The following CNBD1 variants were observed in gnomAD, a reference collection of about 807,000 sequenced individuals.
The protein encoded by CNBD1 is cyclic nucleotide binding domain containing 1, also known as cyclic nucleotide-binding domain-containing protein 1.
In CNBD1, 71 loss-of-function variants were observed where a neutral mutation model predicts 54.4. The ratio of observed to expected loss-of-function variants is 1.30; its 90% confidence interval spans 1.08 to 1.59. CNBD1 has a LOEUF of 1.59. Ranked by LOEUF, CNBD1 falls within the 40% of genes most tolerant of loss-of-function variation. The pLI, the probability that CNBD1 is intolerant of heterozygous loss-of-function variation, is 0.00. For synonymous variants in CNBD1, 182 were observed against 170.7 expected (o/e 1.07, Z -0.51); for missense variants, 659 against 518.0 (o/e 1.27, Z -2.64).
Position 87,274,909 on chromosome 8 carries a change from G to C in CNBD1, c.772-9769G>C, listed in dbSNP as rs1337693026. On this transcript the variant is annotated intron_variant, in intron 6 of 10. Coordinates refer to ENST00000518476, the MANE Select transcript of CNBD1 (RefSeq NM_173538.3). ...TTCTAGGGTTTTTATGGTTTTAGGTGTAACGTTTAAGTCTTTAATCCATCT... is the reference window on the plus strand; with the variant it reads ...TTCTAGGGTTTTTATGGTTTTAGGTCTAACGTTTAAGTCTTTAATCCATCT... Among the ~76,000 whole-genome samples the C allele has an allele frequency of 3.0e-5, 4 of 134,086 alleles. 1 individual carries two copies. Among genetic ancestry groups the C allele is most frequent in the Admixed American group, 2.9e-4 (4 of 14,010 alleles). 88.0% of individuals were successfully genotyped at this position (134,086 alleles called of 152,430 possible).
intron 8 of CNBD1, among the ~76,000 whole-genome samples, chr8:87,340,842 T>C (rs1426784503): frequency 1.3e-5 from 2 of 152,106 alleles, no homozygotes; most frequent in African/African-American, 2.4e-5. Context: ...TTATGATTAT[T>C]TTGAATTTTT....
intron 8 of CNBD1, among the ~76,000 whole-genome samples, chr8:87,330,460 A>G: frequency 6.6e-6 from 1 of 151,966 alleles, no homozygotes; most frequent in Non-Finnish European, 1.5e-5. Flanking sequence ...ATTTTGCTGC[A>G]TCTTATACAT....
chr8:87,329,000 G>C (rs1327712353), intron 8 of CNBD1, among the ~76,000 whole-genome samples: 1 of 151,722 alleles, frequency 6.6e-6, no homozygotes, highest in African/African-American at 2.4e-5. Context: ...TATCTTCTAG[G>C]AGTTATTCCT....
chr8:86,933,856 A>G (rs933411419), intron 3 of CNBD1, among the ~76,000 whole-genome samples: 3 of 152,148 alleles, frequency 2.0e-5, no homozygotes, highest in Non-Finnish European at 4.4e-5. Flanking sequence ...TACTAGTTCT[A>G]TAGTGTAACA....
chr8:86,929,579 G>A lies in CNBD1; in HGVS notation c.273-10017G>A, dbSNP rs541541730. On this transcript the variant is annotated intron_variant, in intron 3 of 10. Coordinates refer to ENST00000518476, the MANE Select transcript of CNBD1 (RefSeq NM_173538.3). The stretch of plus-strand genomic sequence containing the variant: ...CATAAGTCTGGGCAACAGTTTGTTG[G>A]TAGTCATGCTCGATTGGTTCCCCAT... Among the ~76,000 whole-genome samples, 25 of 152,276 alleles carry A rather than the reference G, an allele frequency of 1.6e-4. No individual in the cohort carries two copies. In the South Asian group the frequency reaches 4.8e-3, roughly 29 times the overall value.
At chr8:87,039,707 T>G (rs188909555) in intron 4 of CNBD1, among the ~76,000 whole-genome samples, 1 of 152,326 alleles carries the variant, frequency 6.6e-6, no homozygotes, top group East Asian at 1.9e-4. Flanking sequence ...TTACTCAAAT[T>G]AGTCTCCTCG....
At chr8:87,314,868 G>A (rs756128284) in intron 8 of CNBD1, among the ~76,000 whole-genome samples, 2 of 151,946 alleles carry the variant, frequency 1.3e-5, no homozygotes, top group Non-Finnish European at 2.9e-5. Flanking sequence ...ACCCTCAAAT[G>A]ATGTAAAATA....
chr8:87,396,438 C>A (rs1038659605), intron 2 of CNBD1, among the ~76,000 whole-genome samples: 11 of 151,944 alleles, frequency 7.2e-5, no homozygotes, highest in African/African-American at 2.6e-4. Flanking sequence ...GCTGGTGGTG[C>A]CTTAAACATG....
chr8:87,222,128 A>G (rs1814352173), intron 5 of CNBD1, among the ~76,000 whole-genome samples: 3 of 151,956 alleles, frequency 2.0e-5, no homozygotes, highest in African/African-American at 7.3e-5. Flanking sequence ...ACTTTCTTAT[A>G]TTTTTCCTAG....
chr8:86,942,453 TG>T (rs1434864223), intron 4 of CNBD1, among the ~76,000 whole-genome samples: 2 of 152,180 alleles, frequency 1.3e-5, no homozygotes, highest in East Asian at 1.9e-4. Flanking sequence ...CAAGCTCAAA[TG>T]GTTGTTGGCA....
intron 8 of CNBD1, among the ~76,000 whole-genome samples, chr8:87,345,966 A>G (rs1210284902): frequency 6.6e-6 from 1 of 152,174 alleles, no homozygotes; most frequent in Non-Finnish European, 1.5e-5. Flanking sequence ...TGAAATGGAA[A>G]TATATTGGTT....
At chr8:87,314,306 CA>C (rs1316998233) in intron 8 of CNBD1, among the ~76,000 whole-genome samples, 1 of 132,494 alleles carries the variant, frequency 7.5e-6, no homozygotes, top group South Asian at 2.3e-4. Flanking sequence ...TAAAGCATCT[CA>C]TTTTTTAAAA....
Position 87,166,516 on chromosome 8 carries a change from C to T in CNBD1, c.432-39477C>T, listed in dbSNP as rs1812966291. Among the ~76,000 whole-genome samples the T allele has an allele frequency of 6.6e-6, 1 of 151,942 alleles. No homozygotes were observed. Among genetic ancestry groups the T allele is most frequent in the African/African-American group, 2.4e-5 (1 of 41,422 alleles). On this transcript the variant is annotated intron_variant, in intron 4 of 10. Transcript: ENST00000518476. The surrounding 1 kb of genome is among the most constrained non-coding windows in gnomAD (Gnocchi z 4.3). ...ATCTGTTTATTGACTTAGCATTGCT[C>T]TTCAAATAGAATCTAAACTCCTTAA...
intron 10 of CNBD1, among the ~76,000 whole-genome samples, chr8:87,372,890 T>A (rs75591107): frequency 0.019 from 2,858 of 151,860 alleles, 87 homozygotes; most frequent in African/African-American, 0.062. Flanking sequence ...AGGAAGAGCA[T>A]TGTCAACTTT....
At chr8:87,381,837 G>A (rs967848766) in intron 10 of CNBD1, among the ~76,000 whole-genome samples, 1 of 151,884 alleles carries the variant, frequency 6.6e-6, no homozygotes, top group East Asian at 1.9e-4. Context: ...TGGTTACGAG[G>A]GGTTGAGGCA....
At chr8:86,984,937 G>A (rs867344120) in intron 4 of CNBD1, among the ~76,000 whole-genome samples, 3 of 152,102 alleles carry the variant, frequency 2.0e-5, no homozygotes, top group African/African-American at 7.2e-5. Context: ...AATTGGTGAG[G>A]ACATGAGATT....
chr8:87,342,276 A>T (rs866362318), intron 8 of CNBD1, among the ~76,000 whole-genome samples: 18 of 97,778 alleles, frequency 1.8e-4, no homozygotes, highest in Middle Eastern at 4.8e-3. Context: ...CCATCTCAAA[A>T]AGAAAAAAAA....
At chr8:87,037,363 A>C (rs1809971382) in intron 4 of CNBD1, among the ~76,000 whole-genome samples, 1 of 152,218 alleles carries the variant, frequency 6.6e-6, no homozygotes, top group Non-Finnish European at 1.5e-5. Flanking sequence ...TGTCTTCATC[A>C]GTGTCTAAGT....
intron 2 of CNBD1, among the ~76,000 whole-genome samples, chr8:87,391,012 G>A (rs28869778): frequency 0.012 from 1,761 of 149,372 alleles, 20 homozygotes; most frequent in Non-Finnish European, 0.014. Context: ...AACACCGCAT[G>A]TTCTCACTCA....
Sources: gnomAD v4.1 joint callset for allele counts (sites outside exome capture counted in the v4.1 genomes callset) on GRCh38, gnomAD v4.1.1 for gene constraint, Gnocchi (gnomAD v3.1) non-coding constraint, MANE v1.5 for transcripts, NCBI Gene and HGNC (gene_info 2026-07-23, HGNC 2026-07-21) for gene names.